Variants in ATP11C observed in about 807,000 individuals in gnomAD.
ATP11C encodes the protein phospholipid-transporting ATPase IG.
A neutral mutation model predicts 97.4 loss-of-function variants in ATP11C; 36 were observed. The observed-to-expected ratio is 0.37, with a 90% CI of 0.28 to 0.49. The LOEUF is 0.49. Ranked by LOEUF, ATP11C falls within the 20% of genes least tolerant of loss-of-function variation. The pLI, the probability that ATP11C is intolerant of heterozygous loss-of-function variation, is 0.98. For missense variants in ATP11C, 730 were observed against 824.6 expected (o/e 0.89, Z 1.40); for synonymous variants, 275 against 290.9 (o/e 0.95, Z 0.56).
intron 28 of ATP11C, 77 bp from the exon 29 acceptor site, chrX:139,731,832 G>T: frequency 1.6e-6 from 1 of 622,974 alleles, no homozygotes; most frequent in Non-Finnish European, 2.4e-6. Flanking sequence ...TTTAAAAAAA[G>T]GTAAAAGAAA....
rs557110847 is a variant in ATP11C at position 139,742,771 on chromosome X, A to G, written c.3030+788T>C. 5.5e-5 allele frequency among the ~76,000 whole-genome samples: 6 copies of G among 108,487 alleles called. No homozygotes were observed. In the South Asian group the frequency reaches 2.4e-3, roughly 44 times the overall value. The allele number at this position is 108,487 out of a possible 115,157, so 94.2% of individuals were successfully genotyped here. A position where few individuals can be genotyped will look rare whatever the true frequency, so the allele number is the denominator to read the frequency against. On this transcript the variant is annotated intron_variant, in intron 26 of 29. Transcript: ENST00000682941. ...AATTACCTCCCTTTTGTTTACCTGC[A>G]TTATATTCTTAGGCACTTTATCACT... is the stretch of plus-strand genomic sequence containing the variant.
chrX:139,922,347 T>C (rs992661087), intron 1 of ATP11C, among the ~76,000 whole-genome samples: 2 of 101,649 alleles, frequency 2.0e-5, no homozygotes, highest in Non-Finnish European at 4.0e-5. Context: ...AAGATTCCTA[T>C]AGCTATTGTT....
intron 1 of ATP11C, among the ~76,000 whole-genome samples, chrX:139,849,865 A>G (rs898912437): frequency 1.8e-5 from 2 of 112,162 alleles, no homozygotes; most frequent in African/African-American, 3.2e-5. Context: ...GTTGGTTATC[A>G]TGAGAGTGGA....
rs1233857250 is a variant in ATP11C at position 139,932,163 on chromosome X, G to A, written c.-121C>T. 4 of 628,020 alleles carry A rather than the reference G, an allele frequency of 6.4e-6. No homozygotes were observed. The African/African-American group carries it at 7.3e-5, about 11-fold the overall frequency. 51.8% of individuals were successfully genotyped at this position (628,020 alleles called of 1,213,427 possible). Reference sequence around the variant, plus strand: ...AAGCGGAGCAGCGAGGCGGGCGGCCGGGCCACCCGCTCGCCGCCTGCCCCC... The same window carrying A: ...AAGCGGAGCAGCGAGGCGGGCGGCCAGGCCACCCGCTCGCCGCCTGCCCCC... On this transcript the variant is annotated 5_prime_UTR_variant, in exon 1 of 30. Transcript: ENST00000682941.
chrX:139,827,432 A>G (rs1370766602), intron 1 of ATP11C, among the ~76,000 whole-genome samples: 1 of 111,835 alleles, frequency 8.9e-6, no homozygotes, highest in Non-Finnish European at 1.9e-5. Context: ...TAAAGTTCCA[A>G]TTCACACAAT....
chrX:139,902,598 C>T (rs142101945), intron 1 of ATP11C, among the ~76,000 whole-genome samples: 2,751 of 112,020 alleles, frequency 0.025, 74 homozygotes, highest in African/African-American at 0.085. Flanking sequence ...AAAAAACAAA[C>T]TATGTTTTTA....
rs184313020 is a variant in ATP11C at position 139,772,749 on chromosome X, G to A, written c.2216+1941C>T. The stretch of plus-strand genomic sequence containing the variant: ...TTGGCCAATTTCTCCCATTTGGAAC[G>A]GCTATATTTACCCAATACCTGTACC... On this transcript the variant is annotated intron_variant, in intron 19 of 29. Transcript: ENST00000682941. 4.4e-4 allele frequency among the ~76,000 whole-genome samples: 49 copies of A among 111,615 alleles called. 1 individual carries two copies. Among genetic ancestry groups the A allele is most frequent in the African/African-American group, 1.3e-3 (40 of 30,714 alleles).
intron 1 of ATP11C, among the ~76,000 whole-genome samples, chrX:139,928,404 T>C (rs1238363675): frequency 1.8e-5 from 2 of 110,766 alleles, no homozygotes; most frequent in Non-Finnish European, 3.8e-5. Context: ...CCAGGATTAT[T>C]AGTAAAGTGA....
At chrX:139,757,760 T>G in intron 23 of ATP11C, 48 bp downstream of exon 23, 1 of 924,735 alleles carries the variant, frequency 1.1e-6, no homozygotes, top group Non-Finnish European at 1.5e-6. Flanking sequence ...GGTAATTTAT[T>G]AACAGCAAAT....
At chrX:139,892,893 C>T (rs1285895410) in intron 1 of ATP11C, among the ~76,000 whole-genome samples, 2 of 111,664 alleles carry the variant, frequency 1.8e-5, no homozygotes, top group African/African-American at 3.3e-5. Flanking sequence ...TCACACAGTC[C>T]CCCCAACATC....
chrX:139,777,946 T>C (rs2082381254), intron 18 of ATP11C, among the ~76,000 whole-genome samples: 1 of 109,600 alleles, frequency 9.1e-6, no homozygotes, highest in Non-Finnish European at 1.9e-5. Flanking sequence ...CACTGTAACT[T>C]CTGGGCTCAA....
At chrX:139,893,381 C>T (rs2084759559) in intron 1 of ATP11C, among the ~76,000 whole-genome samples, 1 of 111,763 alleles carries the variant, frequency 8.9e-6, no homozygotes. Context: ...TCTTAAAAAG[C>T]TCTATGGCCC....
At chrX:139,759,321 T>C (rs779320890) in intron 22 of ATP11C, among the ~76,000 whole-genome samples, 51 of 111,831 alleles carry the variant, frequency 4.6e-4, no homozygotes, top group Non-Finnish European at 8.1e-4. Context: ...AATATATTTG[T>C]TCACCGATTG....
intron 1 of ATP11C, among the ~76,000 whole-genome samples, chrX:139,869,795 A>AAATAATAATAAT (rs35904908): frequency 1.5e-4 from 14 of 92,347 alleles, no homozygotes; most frequent in African/African-American, 6.1e-4. Flanking sequence ...CTCTGTCTCA[A>AAATAATAATAAT]AATAATAATA....
chrX:139,765,019 T>G (rs956183675), intron 20 of ATP11C, among the ~76,000 whole-genome samples: 2 of 111,861 alleles, frequency 1.8e-5, no homozygotes, highest in Admixed American at 9.5e-5. Flanking sequence ...ACCCAAGGTT[T>G]AGGGAAGGCA....
chrX:139,762,095 T>C lies in ATP11C; in HGVS notation c.2506A>G (p.Lys836Glu), dbSNP rs2082048987. Reference sequence around the variant, plus strand: ...TTCCTAGCTGCTTGGCGACCTTCTTTGCCTTTAATACCTAAAAGAGAGTAT... The same window carrying C: ...TTCCTAGCTGCTTGGCGACCTTCTTCGCCTTTAATACCTAAAAGAGAGTAT... ...ESHVGIGIKGKEGRQAARNSD... is the reference protein window; with the variant it reads ...ESHVGIGIKGEEGRQAARNSD... Residue 836 changes from lysine to glutamate, a missense_variant, in exon 22 of 30, where the codon AAA (lysine) becomes GAA (glutamate). Physicochemically the swap from Lys to Glu is moderately conservative, Grantham distance 56 (BLOSUM62 1). Transcript: ENST00000682941. 1 of 1,201,165 alleles carries C rather than the reference T, an allele frequency of 8.3e-7. No homozygotes were observed. The highest frequency in any genetic ancestry group is 1.1e-6 in the Non-Finnish European group (1 of 889,578).
intron 22 of ATP11C, among the ~76,000 whole-genome samples, chrX:139,761,699 A>C (rs1273653879): frequency 9.0e-6 from 1 of 111,320 alleles, no homozygotes; most frequent in Non-Finnish European, 1.9e-5. Flanking sequence ...ATGGAACTGT[A>C]CACTTTTGAT....
At chrX:139,835,322 G>C (rs148681957) in intron 1 of ATP11C, among the ~76,000 whole-genome samples, 32 of 111,776 alleles carry the variant, frequency 2.9e-4, no homozygotes, top group Non-Finnish European at 5.5e-4. Flanking sequence ...GTGTCTTGGG[G>C]AAGTCCTGGC....
intron 1 of ATP11C, among the ~76,000 whole-genome samples, chrX:139,928,552 C>T (rs1414986462): frequency 8.9e-6 from 1 of 111,930 alleles, no homozygotes; most frequent in Non-Finnish European, 1.9e-5. Flanking sequence ...ATTAGACTAG[C>T]CTTGCCTTGG....
Sources: gnomAD v4.1 joint callset for allele counts (sites outside exome capture counted in the v4.1 genomes callset) on GRCh38, gnomAD v4.1.1 for gene constraint, MANE v1.5 for transcripts, NCBI Gene and HGNC (gene_info 2026-07-23, HGNC 2026-07-21) for gene names.